Variants in DISC1 observed in about 807,000 individuals in gnomAD.
DISC1 encodes disrupted in schizophrenia 1 protein.
Under a neutral mutation model 84.5 loss-of-function variants are expected in DISC1, and 57 were observed. The ratio of observed to expected loss-of-function variants is 0.67; its 90% confidence interval spans 0.55 to 0.84. The LOEUF (loss-of-function observed/expected upper bound fraction) is 0.84, where lower values mean the gene tolerates loss of function less well. Ranked by LOEUF, DISC1 falls within the 40% of genes least tolerant of loss-of-function variation. The pLI is 0.00. For synonymous variants in DISC1, 411 were observed against 415.2 expected (o/e 0.99, Z 0.12); for missense variants, 1,000 against 1,057.8 (o/e 0.95, Z 0.76).
chr1:231,707,275 A>C (rs1217185620), intron 3 of DISC1, among the ~76,000 whole-genome samples: 1 of 152,180 alleles, frequency 6.6e-6, no homozygotes, highest in Non-Finnish European at 1.5e-5. Flanking sequence ...GTCACTTTAT[A>C]ATGTCTGCAC....
chr1:231,895,196 C>T (rs1172916884), intron 9 of DISC1, among the ~76,000 whole-genome samples: 1 of 150,508 alleles, frequency 6.6e-6, no homozygotes, highest in Non-Finnish European at 1.5e-5. Context: ...TTTTATTTTC[C>T]TCAGTGGTTG....
intron 8 of DISC1, among the ~76,000 whole-genome samples, chr1:231,808,687 C>T (rs2079962819): frequency 6.6e-6 from 1 of 152,222 alleles, no homozygotes; most frequent in Non-Finnish European, 1.5e-5. Context: ...TGACCAGGGG[C>T]TCCTCGCCTG....
intron 1 of DISC1, among the ~76,000 whole-genome samples, chr1:231,671,283 CT>C (rs1471775601): frequency 2.6e-5 from 4 of 151,632 alleles, no homozygotes; most frequent in Admixed American, 1.3e-4. Context: ...TATATATCAT[CT>C]TCCTTTTCAT....
intron 1 of DISC1, among the ~76,000 whole-genome samples, chr1:231,656,665 G>A (rs2061114116): frequency 6.6e-6 from 1 of 152,110 alleles, no homozygotes; most frequent in South Asian, 2.1e-4. Context: ...TGTGGAGGAT[G>A]TGCAGGTTTG....
chr1:231,932,935 C>A (rs1199061680), intron 9 of DISC1, among the ~76,000 whole-genome samples: 1 of 152,164 alleles, frequency 6.6e-6, no homozygotes, highest in East Asian at 1.9e-4. Flanking sequence ...AAGTTACTTT[C>A]AAACTGAAGC....
chr1:231,954,259 G>T lies in DISC1; in HGVS notation c.1982-4569G>T, dbSNP rs952244088. On this transcript the variant is annotated intron_variant, in intron 9 of 12. Coordinates refer to ENST00000439617, the MANE Select transcript of DISC1 (RefSeq NM_018662.3). This position sits in a 1 kb window ranked among gnomAD's most constrained non-coding sequence, Gnocchi z 4.8. ...AGCTATCTCTGTGTCCCTGGAAGCC[G>T]TGTCCTTTTTCTATTTAATTAGTGC... Among the ~76,000 whole-genome samples the T allele has an allele frequency of 6.5e-4, 99 of 152,176 alleles. No homozygotes were observed. Among genetic ancestry groups the T allele is most frequent in the African/African-American group, 2.3e-3 (94 of 41,448 alleles).
At chr1:231,740,245 A>G (rs1407435579) in intron 3 of DISC1, among the ~76,000 whole-genome samples, 2 of 152,128 alleles carry the variant, frequency 1.3e-5, no homozygotes, top group Admixed American at 6.5e-5. Flanking sequence ...TCTCTGATGC[A>G]CCTTTTTGTT....
chr1:231,831,471 G>T, intron 9 of DISC1, among the ~76,000 whole-genome samples: 1 of 152,186 alleles, frequency 6.6e-6, no homozygotes, highest in Non-Finnish European at 1.5e-5. Context: ...TTTCAGCAGG[G>T]GAGTAGGTGG....
At chr1:231,771,161 A>G (rs2076524965) in intron 6 of DISC1, 91 bp downstream of exon 6, 1 of 1,466,274 alleles carries the variant, frequency 6.8e-7, no homozygotes, top group Non-Finnish European at 9.0e-7. Flanking sequence ...ATTTCTAAAC[A>G]TTTCCCAAGC....
At chr1:231,718,411 C>T (rs1454665387) in intron 3 of DISC1, among the ~76,000 whole-genome samples, 8 of 151,432 alleles carry the variant, frequency 5.3e-5, no homozygotes, top group Non-Finnish European at 1.0e-4. Flanking sequence ...GCCATTCCTT[C>T]CCCACTTCAA....
At chr1:231,686,486 C>T (rs569652060) in intron 1 of DISC1, among the ~76,000 whole-genome samples, 1 of 152,160 alleles carries the variant, frequency 6.6e-6, no homozygotes, top group Admixed American at 6.5e-5. Context: ...TCTATGTTGG[C>T]CCCTTTCAGC....
chr1:231,838,116 A>G (rs1367485646), intron 9 of DISC1, among the ~76,000 whole-genome samples: 4 of 152,242 alleles, frequency 2.6e-5, no homozygotes, highest in Non-Finnish European at 5.9e-5. Context: ...ACTTGGGAGA[A>G]TACTGGAGAA....
intron 9 of DISC1, among the ~76,000 whole-genome samples, chr1:231,921,034 G>A (rs1380132699): frequency 6.6e-6 from 1 of 150,778 alleles, no homozygotes; most frequent in Non-Finnish European, 1.5e-5. Flanking sequence ...AGCCTCCCAA[G>A]TAGCTGGGAC....
intron 9 of DISC1, among the ~76,000 whole-genome samples, chr1:231,951,700 C>A: frequency 6.6e-6 from 1 of 152,068 alleles, no homozygotes; most frequent in Admixed American, 6.6e-5. Context: ...TTTCTTAAGC[C>A]CACGGGCAGC....
chr1:231,915,639 G>A (rs1299168127), intron 9 of DISC1, among the ~76,000 whole-genome samples: 4 of 152,298 alleles, frequency 2.6e-5, no homozygotes, highest in Admixed American at 2.0e-4. Flanking sequence ...ATAGCCAGGC[G>A]TGGTGGCAGG....
At chr1:232,020,394 G>A (rs1572657713) in intron 11 of DISC1, among the ~76,000 whole-genome samples, 1 of 152,166 alleles carries the variant, frequency 6.6e-6, no homozygotes, top group East Asian at 1.9e-4. Context: ...CTCTTTTCTT[G>A]TATGTAAAAG....
chr1:231,878,635 T>C lies in DISC1; in HGVS notation c.1981+60118T>C, dbSNP rs1450809843. Among the ~76,000 whole-genome samples the C allele has an allele frequency of 3.3e-5, 5 of 152,140 alleles. No homozygotes were observed. In the East Asian group the frequency reaches 9.7e-4, roughly 29 times the overall value. ...CAATGTCATTGTCATTTTTTTTAAA[T>C]GCCTTTTTTACTGGAGTGTAATATG... On this transcript the variant is annotated intron_variant, in intron 9 of 12. Coordinates refer to ENST00000439617, the MANE Select transcript of DISC1 (RefSeq NM_018662.3).
At chr1:231,754,753 A>C (rs979887602) in intron 4 of DISC1, among the ~76,000 whole-genome samples, 2 of 152,248 alleles carry the variant, frequency 1.3e-5, no homozygotes, top group Non-Finnish European at 2.9e-5. Flanking sequence ...CATCTCTTAC[A>C]TTTGACTGTT....
At chr1:231,910,334 A>G (rs181202016) in intron 9 of DISC1, among the ~76,000 whole-genome samples, 6 of 152,192 alleles carry the variant, frequency 3.9e-5, no homozygotes, top group African/African-American at 7.2e-5. Flanking sequence ...TTCCCTCTAC[A>G]CACTGCTTTA....
Sources: gnomAD v4.1 joint callset for allele counts (sites outside exome capture counted in the v4.1 genomes callset) on GRCh38, gnomAD v4.1.1 for gene constraint, Gnocchi (gnomAD v3.1) non-coding constraint, MANE v1.5 for transcripts, NCBI Gene and HGNC (gene_info 2026-07-23, HGNC 2026-07-21) for gene names.